IQCM: variants seen among roughly 807,000 people sequenced by gnomAD.
IQCM encodes the protein IQ motif containing M.
IQCM carries 45 observed loss-of-function variants against 57.6 expected under a neutral mutation model. The observed-to-expected ratio is 0.78, with a 90% CI of 0.62 to 1.00. The LOEUF is 1.00. IQCM is among the 50% of genes least tolerant of loss of function. The pLI is 0.00. For synonymous variants in IQCM, 148 were observed against 158.9 expected, an observed-to-expected ratio of 0.93 and a Z score of 0.51; for missense variants, 468 against 511.6, an observed-to-expected ratio of 0.91 and a Z score of 0.82.
chr4:149,564,729 G>A (rs968627152), intron 9 of IQCM, among the ~76,000 whole-genome samples: 6 of 152,204 alleles, frequency 3.9e-5, no homozygotes, highest in East Asian at 1.9e-4. Context: ...CTTGAAATCC[G>A]ACTGGCTCTC....
chr4:149,624,436 G>A (rs964669405), intron 7 of IQCM, among the ~76,000 whole-genome samples: 2 of 152,000 alleles, frequency 1.3e-5, no homozygotes, highest in African/African-American at 4.8e-5. Context: ...TCAAATTTAT[G>A]TAGTTGACAA....
chr4:149,647,365 G>A (rs1281571753), intron 7 of IQCM, among the ~76,000 whole-genome samples: 2 of 151,600 alleles, frequency 1.3e-5, no homozygotes, highest in African/African-American at 4.8e-5. Flanking sequence ...CTAAAGTACA[G>A]TTTTACTATT....
chr4:149,476,634 G>A (rs545483410), intron 12 of IQCM, among the ~76,000 whole-genome samples: 1 of 152,184 alleles, frequency 6.6e-6, no homozygotes, highest in South Asian at 2.1e-4. Context: ...ATCTTGAAAG[G>A]TCTAATAAAA....
chr4:149,472,942 C>G (rs1446672364), intron 12 of IQCM, among the ~76,000 whole-genome samples: 1 of 152,164 alleles, frequency 6.6e-6, no homozygotes, highest in Admixed American at 6.5e-5. Context: ...GAAACTGGAT[C>G]CCTTCCTTAC....
At chr4:149,455,075 C>T (rs1737545737) in intron 12 of IQCM, among the ~76,000 whole-genome samples, 1 of 152,082 alleles carries the variant, frequency 6.6e-6, no homozygotes, top group South Asian at 2.1e-4. Context: ...GATAAACATT[C>T]AGTATGCTTC....
At chr4:149,433,783 G>T (rs1243582112) in intron 12 of IQCM, among the ~76,000 whole-genome samples, 1 of 151,578 alleles carries the variant, frequency 6.6e-6, no homozygotes, top group Non-Finnish European at 1.5e-5. Flanking sequence ...ACCACTATCA[G>T]CTTGAAGCAG....
chr4:149,433,782 A>T (rs988281261), intron 12 of IQCM, among the ~76,000 whole-genome samples: 9 of 151,990 alleles, frequency 5.9e-5, no homozygotes, highest in African/African-American at 1.9e-4. Context: ...AACCACTATC[A>T]GCTTGAAGCA....
rs748898913 is a variant in IQCM at position 149,437,892 on chromosome 4, G to A, written c.1229-4335C>T. ...GAACAATAATTTACATTGAACCCTG[G>A]AGATTCCTAAATTTCCAGGATATTT... On this transcript the variant is annotated intron_variant, in intron 12 of 13. Coordinates refer to ENST00000636793, the MANE Select transcript of IQCM (RefSeq NM_001363507.2). Among the ~76,000 whole-genome samples, 3 of 152,158 alleles carry A rather than the reference G, an allele frequency of 2.0e-5. No homozygotes were observed. In the East Asian group the frequency reaches 5.8e-4, roughly 29 times the overall value.
intron 2 of IQCM, among the ~76,000 whole-genome samples, chr4:149,807,187 C>T (rs1774164092): frequency 6.6e-6 from 1 of 151,712 alleles, no homozygotes; most frequent in South Asian, 2.1e-4. Flanking sequence ...TCATGAAAGA[C>T]CCCAAATAGC....
intron 10 of IQCM, among the ~76,000 whole-genome samples, chr4:149,555,370 C>T (rs1172905396): frequency 1.4e-5 from 2 of 142,652 alleles, no homozygotes; most frequent in African/African-American, 4.9e-5. Context: ...TGCTAGGATG[C>T]ACACACGTGA....
intron 12 of IQCM, among the ~76,000 whole-genome samples, chr4:149,530,068 C>T (rs146438609): frequency 1.5e-3 from 228 of 151,976 alleles, no homozygotes; most frequent in African/African-American, 5.3e-3. Flanking sequence ...AGCATGGTTC[C>T]CTCCCTCACT....
chr4:149,806,203 G>A (rs1561294850), intron 2 of IQCM, among the ~76,000 whole-genome samples: 1 of 151,672 alleles, frequency 6.6e-6, no homozygotes, highest in Non-Finnish European at 1.5e-5. Flanking sequence ...ATGGTATTAT[G>A]TGTTTTCTTT....
rs753676834 is a variant in IQCM, at chr4:149,794,215, A to G, written c.-49+21096T>C. 9.3e-4 allele frequency among the ~76,000 whole-genome samples: 142 copies of G among 152,230 alleles called. 1 individual carries two copies. Among genetic ancestry groups the G allele is most frequent in the Non-Finnish European group, 2.9e-4 (20 of 68,048 alleles). ...AGGGCAGTATTGAGGATATTTCATT[A>G]AAGTACTGACTACTGAACAGCTGGA... On this transcript the variant is annotated intron_variant, in intron 2 of 13. Transcript: ENST00000636793.
chr4:149,746,975 A>G (rs1428857135), intron 2 of IQCM, among the ~76,000 whole-genome samples: 1 of 152,170 alleles, frequency 6.6e-6, no homozygotes, highest in East Asian at 1.9e-4. Context: ...AGCCTAGGCC[A>G]CTAGGACCTC....
intron 2 of IQCM, chr4:149,790,382 T>G (rs962845687): frequency 5.4e-6 from 1 of 186,208 alleles, no homozygotes; most frequent in Non-Finnish European, 1.2e-5. Flanking sequence ...CATGGAGCAA[T>G]GCCAATACCC....
intron 7 of IQCM, among the ~76,000 whole-genome samples, chr4:149,674,976 T>C (rs1279065381): frequency 2.6e-5 from 4 of 152,186 alleles, no homozygotes; most frequent in Admixed American, 2.6e-4. Context: ...GGTTAAACAG[T>C]AGTGCTCTTC....
intron 7 of IQCM, among the ~76,000 whole-genome samples, chr4:149,663,392 T>A (rs1760398565): frequency 6.6e-6 from 1 of 152,068 alleles, no homozygotes; most frequent in Non-Finnish European, 1.5e-5. Context: ...CTGGAGGTTT[T>A]ATGCTTTCAT....
intron 8 of IQCM, among the ~76,000 whole-genome samples, chr4:149,603,612 G>A (rs944774499): frequency 3.3e-5 from 5 of 151,960 alleles, no homozygotes; most frequent in African/African-American, 9.7e-5. Context: ...AGAAAAAGTG[G>A]TCTTCTAATG....
At chr4:149,788,583 T>C (rs778303394) in intron 2 of IQCM, among the ~76,000 whole-genome samples, 10 of 152,142 alleles carry the variant, frequency 6.6e-5, no homozygotes, top group Non-Finnish European at 1.0e-4. Context: ...GAAAACAGTA[T>C]GGAGATTGCT....
Sources: gnomAD v4.1 joint callset for allele counts (sites outside exome capture counted in the v4.1 genomes callset) on GRCh38, gnomAD v4.1.1 for gene constraint, MANE v1.5 for transcripts, NCBI Gene and HGNC (gene_info 2026-07-23, HGNC 2026-07-21) for gene names.